LAMC2: variants seen among roughly 807,000 people sequenced by gnomAD.
LAMC2 encodes the protein laminin subunit gamma 2.
Under a neutral mutation model 140.2 loss-of-function variants are expected in LAMC2, and 97 were observed. The observed-to-expected ratio is 0.69, with a 90% CI of 0.59 to 0.82. LAMC2 has a LOEUF of 0.82. Among genes scored for constraint, LAMC2 ranks in the 40% least tolerant of loss-of-function variants. The pLI is 0.00. For synonymous variants in LAMC2, 513 were observed against 540.2 expected, an observed-to-expected ratio of 0.95 and a Z score of 0.70; for missense variants, 1,402 against 1,476.1, an observed-to-expected ratio of 0.95 and a Z score of 0.82.
intron 3 of LAMC2, among the ~76,000 whole-genome samples, chr1:183,216,435 G>C (rs1281692194): frequency 1.3e-5 from 2 of 152,112 alleles, no homozygotes; most frequent in African/African-American, 4.8e-5. Context: ...AACTTATCAA[G>C]GTCCTGCAAG....
Position 183,240,103 on chromosome 1 carries a change from G to A in LAMC2, c.3133G>A (p.Gly1045Arg). The A allele has an allele frequency of 2.5e-6, 4 of 1,614,176 alleles. No homozygotes were observed. In the South Asian group the frequency reaches 4.4e-5, roughly 18 times the overall value. ...AGATGGAGCCTTGGCCATGGAAAAG[G>A]GACTGGCCTCTCTGAAGAGTGAGAT... is the stretch of plus-strand genomic sequence containing the variant. ...TADGALAMEK[G>R]LASLKSEMRE... Residue 1045 changes from glycine to arginine, a missense_variant, in exon 21 of 23, where the codon GGA becomes AGA. Gly to Arg is a moderately radical substitution (Grantham distance 125). Coordinates refer to ENST00000264144, the MANE Select transcript of LAMC2 (RefSeq NM_005562.3).
At position 183,232,228 on chromosome 1, in the gene LAMC2, G is replaced by A. The variant is rs141812464; in HGVS notation, c.1899G>A (p.Leu633=). 1 of 1,613,892 alleles carries A rather than the reference G, an allele frequency of 6.2e-7. No individual in the cohort carries two copies. Among genetic ancestry groups the A allele is most frequent in the African/African-American group, 1.3e-5 (1 of 74,922 alleles). ...AGCAGCTTCAGAGAATGGAGGCCCT[G>A]ATTTCAAAGGCTCAGGGTGGTGATG... ...FMQQLQRMEA[L]ISKAQGGDGV... The change falls in exon 13 of 23, where the codon CTG becomes CTA. Residue 633 remains leucine (L), a synonymous_variant. Coordinates refer to ENST00000264144, the MANE Select transcript of LAMC2 (RefSeq NM_005562.3).
chr1:183,198,264 C>G (rs192573058), intron 1 of LAMC2, among the ~76,000 whole-genome samples: 1 of 151,916 alleles, frequency 6.6e-6, no homozygotes, highest in Non-Finnish European at 1.5e-5. Context: ...GCCTCAGCCA[C>G]CCCAGTAGCT....
downstream of LAMC2, among the ~76,000 whole-genome samples, chr1:183,246,086 C>A (rs1660236192): frequency 6.7e-6 from 1 of 150,050 alleles, no homozygotes; most frequent in Admixed American, 6.7e-5. Flanking sequence ...AGGAGAATGG[C>A]GTGAACCTGG....
At chr1:183,237,528 C>G in intron 18 of LAMC2, 24 bp downstream of exon 18, 2 of 1,588,168 alleles carry the variant, frequency 1.3e-6, no homozygotes, top group South Asian at 2.2e-5. Context: ...AATTCATTCA[C>G]TCAATAAAGA....
intron 3 of LAMC2, 105 bp from the exon 4 acceptor site, chr1:183,218,285 G>T: frequency 1.1e-6 from 1 of 916,654 alleles, no homozygotes. Flanking sequence ...ATCGAAGAAG[G>T]ACTGCCCAGC....
intron 2 of LAMC2, among the ~76,000 whole-genome samples, chr1:183,214,050 A>AG (rs1553265120): frequency 0.055 from 5,281 of 95,532 alleles, 332 homozygotes; most frequent in African/African-American, 0.2. Context: ...AAAAAAAAAA[A>AG]AATACAGATT....
intron 9 of LAMC2, 31 bp downstream of exon 9, chr1:183,226,947 TG>T: frequency 6.5e-7 from 1 of 1,543,532 alleles, no homozygotes; most frequent in Non-Finnish European, 8.9e-7. Context: ...ACCAGGTGGC[TG>T]GGGTGTCATG....
intron 22 of LAMC2, among the ~76,000 whole-genome samples, chr1:183,241,721 G>C (rs1214074835): frequency 6.6e-6 from 1 of 151,886 alleles, no homozygotes; most frequent in African/African-American, 2.4e-5. Context: ...TATAGTCTTG[G>C]GTCTGCTTTG....
At chr1:183,253,904 C>CGTGTGTGTGTGTGTGT in the LAMC2 span, among the ~76,000 whole-genome samples, 4 of 144,264 alleles carry the variant, frequency 2.8e-5, no homozygotes, top group South Asian at 2.3e-4. Flanking sequence ...GTTCCACTTC[C>CGTGTGTGTGTGTGTGT]GTGTGTGTGT....
chr1:183,232,766 G>C lies in LAMC2; in HGVS notation c.2129G>C (p.Ser710Thr), dbSNP rs769821807. The C allele has an allele frequency of 1.4e-5, 22 of 1,613,974 alleles. No homozygotes were observed. Among genetic ancestry groups the C allele is most frequent in the Non-Finnish European group, 1.9e-5 (22 of 1,179,984 alleles). ...MTVERVRALG[S>T]QYQNRVRDTH... ...GTGGAAAGAGTTCGGGCTCTGGGAA[G>C]TCAGTACCAGAACCGAGTTCGGGAT... The change falls in exon 14 of 23, where the codon AGT (serine) becomes ACT (threonine). Residue 710 changes from serine to threonine, a missense_variant. Coordinates refer to ENST00000264144, the MANE Select transcript of LAMC2 (RefSeq NM_005562.3).
chr1:183,246,169 CA>C (rs542775179), downstream of LAMC2, among the ~76,000 whole-genome samples: 4,479 of 75,642 alleles, frequency 0.059, 198 homozygotes, highest in African/African-American at 0.17. Context: ...GACTCCGTCT[CA>C]AAAAAAAAAA....
rs191183274 is a variant in LAMC2, at chr1:183,208,513, G to A, written c.268+444G>A. ...AAGGAATTAGAAAGATCTGTTTCTA[G>A]TGCTGTGCTAGGTGCTAGCAATATG... On this transcript the variant is annotated intron_variant, in intron 2 of 22. Coordinates refer to ENST00000264144, the MANE Select transcript of LAMC2 (RefSeq NM_005562.3). Among the ~76,000 whole-genome samples, 18 of 152,302 alleles carry A rather than the reference G, an allele frequency of 1.2e-4. No individual in the cohort carries two copies. In the East Asian group the frequency reaches 3.1e-3, roughly 26 times the overall value.
intron 22 of LAMC2, among the ~76,000 whole-genome samples, chr1:183,242,566 T>A (rs1208054991): frequency 6.6e-6 from 1 of 152,204 alleles, no homozygotes; most frequent in Non-Finnish European, 1.5e-5. Flanking sequence ...GGAAATAAAA[T>A]AACATCTAGT....
chr1:183,212,708 T>C (rs1021044813), intron 2 of LAMC2, among the ~76,000 whole-genome samples: 2 of 152,218 alleles, frequency 1.3e-5, no homozygotes, highest in African/African-American at 4.8e-5. Flanking sequence ...CCACCTTTTA[T>C]ATGCCCCTAG....
chr1:183,254,216 G>T, the LAMC2 span, among the ~76,000 whole-genome samples: 1 of 152,024 alleles, frequency 6.6e-6, no homozygotes, highest in African/African-American at 2.4e-5. Flanking sequence ...AGTGTACAAG[G>T]GTTCCCTTTC....
chr1:183,215,536 C>T lies in LAMC2; in HGVS notation c.352C>T (p.Pro118Ser), dbSNP rs1659225910. Residue 118 changes from proline (P) to serine (S), a missense_variant, in exon 3 of 23, where the codon CCA (proline) becomes TCA (serine). This residue lies in a region of LAMC2 where 723 missense variants were observed against 783.3 expected (regional missense o/e 0.92). Coordinates refer to ENST00000264144, the MANE Select transcript of LAMC2 (RefSeq NM_005562.3). ...VTGARCDRCL[P>S]GFHMLTDAGC... ...AGGAGCCAGATGCGACCGATGTCTG[C>T]CAGGCTTCCACATGCTCACGGATGC... 1 of 1,614,072 alleles carries T rather than the reference C, an allele frequency of 6.2e-7. No homozygotes were observed. Among genetic ancestry groups the T allele is most frequent in the Non-Finnish European group, 8.5e-7 (1 of 1,180,056 alleles).
chr1:183,252,891 C>T, the LAMC2 span: 2 of 608,020 alleles, frequency 3.3e-6, no homozygotes, highest in Non-Finnish European at 5.9e-6. Context: ...CCTCTTGCCT[C>T]CACAACTCCT....
At chr1:183,234,301 T>C in intron 14 of LAMC2, 66 bp from the exon 15 acceptor site, 2 of 1,257,838 alleles carry the variant, frequency 1.6e-6, no homozygotes, top group Non-Finnish European at 2.3e-6. Context: ...ATGCACCTGC[T>C]TAAGTTCCAT....
Sources: allele counts gnomAD v4.1 joint callset (sites outside exome capture counted in the v4.1 genomes callset), GRCh38; gene constraint gnomAD v4.1.1; regional missense constraint gnomAD v4.1.1; transcripts MANE v1.5; gene names NCBI Gene and HGNC (gene_info 2026-07-23, HGNC 2026-07-21).